The following EPB41L3 variants were observed in gnomAD, a reference collection of about 807,000 sequenced individuals.
EPB41L3 encodes the protein erythrocyte membrane protein band 4.1 like 3, also known as band 4.1-like protein 3.
In EPB41L3, 57 loss-of-function variants were observed where a neutral mutation model predicts 127.1. The observed-to-expected ratio is 0.45, with a 90% CI of 0.36 to 0.56. The LOEUF (loss-of-function observed/expected upper bound fraction) is 0.56, where lower values mean the gene tolerates loss of function less well. Among genes scored for constraint, EPB41L3 ranks in the 20% least tolerant of loss-of-function variants. The pLI is 0.00. For synonymous variants in EPB41L3, 572 were observed against 549.5 expected, an observed-to-expected ratio of 1.04 and a Z score of -0.57; for missense variants, 1,273 against 1,372.2, an observed-to-expected ratio of 0.93 and a Z score of 1.14.
At chr18:5,536,429 T>C (rs2093573777) in intron 1 of EPB41L3, among the ~76,000 whole-genome samples, 3 of 151,446 alleles carry the variant, frequency 2.0e-5, no homozygotes, top group Non-Finnish European at 2.9e-5. Context: ...AATATTTATT[T>C]ACCATTAAAA....
At chr18:5,466,948 AC>A (rs11348334) in intron 3 of EPB41L3, among the ~76,000 whole-genome samples, 5,362 of 152,274 alleles carry the variant, frequency 0.035, 108 homozygotes, top group Admixed American at 0.065. Flanking sequence ...GAAAATTATA[AC>A]CTGCCTTTCA....
chr18:5,435,556 A>G (rs1472309541), intron 6 of EPB41L3, among the ~76,000 whole-genome samples: 1 of 152,224 alleles, frequency 6.6e-6, no homozygotes, highest in Non-Finnish European at 1.5e-5. Context: ...CCTAGGAGCC[A>G]TGGGCTTTAT....
At chr18:5,605,896 G>A (rs1166796363) in intron 3 of EPB41L3, among the ~76,000 whole-genome samples, 1 of 152,160 alleles carries the variant, frequency 6.6e-6, no homozygotes, top group Non-Finnish European at 1.5e-5. Flanking sequence ...GTGTGTAAAA[G>A]ACAAGCTAGG....
chr18:5,411,299 T>C (rs967752871), intron 13 of EPB41L3, among the ~76,000 whole-genome samples: 1 of 152,134 alleles, frequency 6.6e-6, no homozygotes, highest in African/African-American at 2.4e-5. Context: ...CCCTCCAATA[T>C]AAAGAAGTAT....
intron 1 of EPB41L3, among the ~76,000 whole-genome samples, chr18:5,626,407 C>T (rs1358114483): frequency 6.6e-6 from 1 of 152,192 alleles, no homozygotes; most frequent in Non-Finnish European, 1.5e-5. Flanking sequence ...ACCAATCATA[C>T]ACATTTTCTA....
chr18:5,398,910 T>C, intron 16 of EPB41L3: 2 of 399,146 alleles, frequency 5.0e-6, no homozygotes, highest in Admixed American at 8.8e-5. Context: ...AGACTCGGCC[T>C]CCTTGATGGG....
chr18:5,525,302 A>G (rs9966305), intron 1 of EPB41L3, among the ~76,000 whole-genome samples: 1,635 of 152,274 alleles, frequency 0.011, 26 homozygotes, highest in African/African-American at 0.037. Context: ...TGGCCCTAGG[A>G]AAGCGCTCAC....
intron 3 of EPB41L3, among the ~76,000 whole-genome samples, chr18:5,591,444 G>A (rs935080931): frequency 2.6e-5 from 4 of 152,068 alleles, no homozygotes; most frequent in African/African-American, 7.2e-5. Context: ...GGTTCCCTTG[G>A]GCCCACTTTA....
At chr18:5,490,469 G>GTT (rs907994844) in intron 1 of EPB41L3, among the ~76,000 whole-genome samples, 3 of 151,984 alleles carry the variant, frequency 2.0e-5, no homozygotes, top group Admixed American at 6.6e-5. Context: ...ACCAATCTAG[G>GTT]TTATAAACTA....
intron 2 of EPB41L3, chr18:5,480,859 T>C (rs1007774978): frequency 1.3e-5 from 2 of 152,244 alleles, no homozygotes; most frequent in Non-Finnish European, 2.9e-5. Context: ...CATACTTTTC[T>C]ATAATTATCT....
intron 2 of EPB41L3, among the ~76,000 whole-genome samples, chr18:5,487,380 C>T (rs762746605): frequency 1.3e-5 from 2 of 149,526 alleles, no homozygotes; most frequent in Non-Finnish European, 3.0e-5. Context: ...AAAAAATATA[C>T]ATATATACAA....
chr18:5,599,240 G>A lies in EPB41L3; in HGVS notation c.-306+13100C>T, dbSNP rs192545390. Among the ~76,000 whole-genome samples, 42 of 152,254 alleles carry A rather than the reference G, an allele frequency of 2.8e-4. No homozygotes were observed. In the East Asian group the frequency reaches 7.2e-3, roughly 26 times the overall value. ...CATGTATGCCCAACACCTGTCCTGA[G>A]GTAGGCACACAGGAAATATTACTCC... On this transcript the variant is annotated intron_variant, in intron 3 of 21. Coordinates refer to the EPB41L3 transcript ENST00000545076.
At chr18:5,581,694 A>G (rs1401629436) in intron 3 of EPB41L3, among the ~76,000 whole-genome samples, 3 of 152,150 alleles carry the variant, frequency 2.0e-5, no homozygotes, top group Non-Finnish European at 2.9e-5. Flanking sequence ...AAACACAGAA[A>G]TGAAACTTTT....
At position 5,543,222 on chromosome 18, in the gene EPB41L3, G is replaced by T. The variant is rs1234909938; in HGVS notation, c.-12+691C>A. ...GCTCCCTCCTCCTCCCCCACCGGCC[G>T]GGGGCCGCTGCCCCAGTTTGGGGAA... is the stretch of plus-strand genomic sequence containing the variant. On this transcript the variant is annotated intron_variant, in intron 1 of 22. Coordinates refer to ENST00000341928, the MANE Select transcript of EPB41L3 (RefSeq NM_012307.5). The surrounding 1 kb of genome is among the most constrained non-coding windows in gnomAD (Gnocchi z 5.2). 1 of 151,248 alleles carries T rather than the reference G, an allele frequency of 6.6e-6. No homozygotes were observed. 9.4% of individuals were successfully genotyped at this position (151,248 alleles called of 1,614,324 possible). A position where few individuals can be genotyped will look rare whatever the true frequency, so the allele number is the denominator to read the frequency against.
chr18:5,615,472 A>T (rs2094783392), intron 1 of EPB41L3, among the ~76,000 whole-genome samples: 1 of 152,202 alleles, frequency 6.6e-6, no homozygotes, highest in African/African-American at 2.4e-5. Context: ...AATGGGTACA[A>T]AAAAACTACT....
chr18:5,598,386 T>C (rs1278817330), intron 3 of EPB41L3, among the ~76,000 whole-genome samples: 1 of 152,204 alleles, frequency 6.6e-6, no homozygotes, highest in Non-Finnish European at 1.5e-5. Flanking sequence ...AATTGTTCTA[T>C]TTTGGAAAAT....
intron 19 of EPB41L3, 121 bp downstream of exon 19, chr18:5,396,080 G>T: frequency 1.6e-6 from 2 of 1,219,046 alleles, no homozygotes; most frequent in Non-Finnish European, 2.3e-6. Context: ...AATAGAAATG[G>T]TCTGGCTGCT....
chr18:5,611,171 G>C (rs916824568), intron 3 of EPB41L3, among the ~76,000 whole-genome samples: 5 of 152,050 alleles, frequency 3.3e-5, no homozygotes, highest in African/African-American at 1.2e-4. Context: ...CTGAAAGCAG[G>C]GTCTCAAAGA....
chr18:5,465,866 T>C (rs7234759), intron 3 of EPB41L3, among the ~76,000 whole-genome samples: 67,667 of 151,954 alleles, frequency 0.45, 15,886 homozygotes, highest in African/African-American at 0.6. Context: ...ATGAAATTCC[T>C]GTAGATATTC....
Sources: gnomAD v4.1 joint callset for allele counts (sites outside exome capture counted in the v4.1 genomes callset) on GRCh38, gnomAD v4.1.1 for gene constraint, Gnocchi (gnomAD v3.1) non-coding constraint, MANE v1.5 for transcripts, NCBI Gene and HGNC (gene_info 2026-07-23, HGNC 2026-07-21) for gene names.